Variants in CELF2 observed in about 807,000 individuals in gnomAD.
The protein encoded by CELF2 is CUGBP Elav-like family member 2.
Under a neutral mutation model 62.6 loss-of-function variants are expected in CELF2, and 8 were observed. That is an observed-to-expected ratio of 0.13 (90% CI 0.07 to 0.23). The LOEUF is 0.23. Among genes scored for constraint, CELF2 ranks in the 10% least tolerant of loss-of-function variants. The probability of loss-of-function intolerance (pLI) is 1.00; values close to 1 mark genes in which losing one functional copy is unlikely to be tolerated. For synonymous variants in CELF2, 258 were observed against 250.0 expected (o/e 1.03, Z -0.30); for missense variants, 333 against 671.0 (o/e 0.50, Z 5.56).
At chr10:11,045,167 G>T (rs535708823) in intron 1 of CELF2, among the ~76,000 whole-genome samples, 1 of 152,172 alleles carries the variant, frequency 6.6e-6, no homozygotes. Context: ...TTTTATTTTG[G>T]AGGTAGGATC....
At chr10:10,530,539 G>A in the CELF2 span, among the ~76,000 whole-genome samples, 3 of 152,100 alleles carry the variant, frequency 2.0e-5, no homozygotes, top group East Asian at 5.8e-4. Context: ...CCTCATTTTT[G>A]TAGGCCTCAC....
At chr10:11,144,060 G>A (rs896238527) in intron 1 of CELF2, among the ~76,000 whole-genome samples, 27 of 151,974 alleles carry the variant, frequency 1.8e-4, no homozygotes, top group East Asian at 1.9e-4. Context: ...TTCATTTTTG[G>A]GTTCACTCTC....
At chr10:10,480,666 C>A in the CELF2 span, among the ~76,000 whole-genome samples, 2 of 152,154 alleles carry the variant, frequency 1.3e-5, no homozygotes, top group African/African-American at 2.4e-5. Flanking sequence ...TTGAAGGAAA[C>A]AAACTCACTC....
the CELF2 span, among the ~76,000 whole-genome samples, chr10:10,519,713 G>T: frequency 1.3e-5 from 2 of 152,198 alleles, no homozygotes; most frequent in African/African-American, 4.8e-5. Flanking sequence ...GTCATGGGTT[G>T]AAAGACAAAT....
chr10:10,856,095 A>G (rs1002812999), intron 1 of CELF2, among the ~76,000 whole-genome samples: 6 of 152,188 alleles, frequency 3.9e-5, no homozygotes, highest in Admixed American at 3.3e-4. Flanking sequence ...TAGAAATGCA[A>G]GACTGAGTGA....
the CELF2 span, among the ~76,000 whole-genome samples, chr10:10,527,655 T>C: frequency 1.3e-5 from 2 of 152,214 alleles, no homozygotes; most frequent in Non-Finnish European, 2.9e-5. Flanking sequence ...GAGGATACAC[T>C]GGAGACTCCA....
chr10:10,473,510 T>C, the CELF2 span, among the ~76,000 whole-genome samples: 1 of 152,060 alleles, frequency 6.6e-6, no homozygotes, highest in African/African-American at 2.4e-5. Context: ...TTGTTACATA[T>C]ACCCTTAGCA....
the CELF2 span, among the ~76,000 whole-genome samples, chr10:10,681,439 A>G: frequency 0.27 from 40,567 of 151,892 alleles, 5,609 homozygotes; most frequent in South Asian, 0.47. Context: ...ATTCTAGGAT[A>G]TGCAGGTCAT....
chr10:11,211,736 A>G lies in CELF2; in HGVS notation c.272-5689A>G, dbSNP rs2061818537. ...TTTCAGTACAGTTGAGTGTTTCTTT[A>G]TGATTTTAAACACACTACTGTGTGT... On this transcript the variant is annotated intron_variant, in intron 2 of 12. Coordinates refer to ENST00000633077, the MANE Select transcript of CELF2 (RefSeq NM_001326342.2). This position sits in a 1 kb window ranked among gnomAD's most constrained non-coding sequence, Gnocchi z 4.8. 6.6e-6 allele frequency among the ~76,000 whole-genome samples: 1 copy of G among 151,450 alleles called. No individual in the cohort carries two copies. Among genetic ancestry groups the G allele is most frequent in the Non-Finnish European group, 1.5e-5 (1 of 67,920 alleles).
intron 1 of CELF2, chr10:10,917,909 G>A (rs1184733687): frequency 7.2e-5 from 11 of 152,124 alleles, no homozygotes; most frequent in South Asian, 2.1e-4. Context: ...GAACAACTTC[G>A]TTTTAAAAGA....
intron 1 of CELF2, among the ~76,000 whole-genome samples, chr10:10,804,005 T>C (rs2054943349): frequency 6.6e-6 from 1 of 152,228 alleles, no homozygotes; most frequent in South Asian, 2.1e-4. Flanking sequence ...TAACACCTAG[T>C]TGAGTAATTC....
intron 5 of CELF2, among the ~76,000 whole-genome samples, chr10:11,265,791 A>T (rs2082049309): frequency 6.6e-6 from 1 of 152,262 alleles, no homozygotes; most frequent in Non-Finnish European, 1.5e-5. Context: ...GTCTCCCAGC[A>T]GATATTCACA....
chr10:10,664,539 G>C, the CELF2 span, among the ~76,000 whole-genome samples: 2 of 152,192 alleles, frequency 1.3e-5, no homozygotes, highest in Non-Finnish European at 2.9e-5. Context: ...GAGAAAAGGT[G>C]AAAGTAGAGT....
the CELF2 span, among the ~76,000 whole-genome samples, chr10:10,666,055 C>T: frequency 2.0e-5 from 3 of 152,294 alleles, no homozygotes; most frequent in Admixed American, 6.5e-5. Flanking sequence ...CTTCGATTGG[C>T]TCTGTTGCAG....
At position 10,947,585 on chromosome 10, in the gene CELF2, T is replaced by A. The variant is rs2047834481; in HGVS notation, c.89+27586T>A. ...ACAAGCATATGAAAGAGGAAATCAG[T>A]GTCCTATTGCCTCGGTGTCCTCAGT... On this transcript the variant is annotated intron_variant, in intron 2 of 13. Coordinates refer to the CELF2 transcript ENST00000636488. This position sits in a 1 kb window ranked among gnomAD's most constrained non-coding sequence, Gnocchi z 4.1. 1 of 152,656 alleles carries A rather than the reference T, an allele frequency of 6.6e-6. No individual in the cohort carries two copies. Among genetic ancestry groups the A allele is most frequent in the African/African-American group, 2.4e-5 (1 of 41,454 alleles). 9.5% of individuals were successfully genotyped at this position (152,656 alleles called of 1,614,324 possible). A position where few individuals can be genotyped will look rare whatever the true frequency, so the allele number is the denominator to read the frequency against.
At chr10:10,558,712 C>A in the CELF2 span, among the ~76,000 whole-genome samples, 1 of 152,144 alleles carries the variant, frequency 6.6e-6, no homozygotes, top group Non-Finnish European at 1.5e-5. Flanking sequence ...ACAATTTCAG[C>A]TCCTGTTATT....
the CELF2 span, among the ~76,000 whole-genome samples, chr10:10,625,632 A>C: frequency 6.6e-6 from 1 of 151,816 alleles, no homozygotes; most frequent in Non-Finnish European, 1.5e-5. Context: ...GATCATTTAC[A>C]ACTCAGGCTG....
At chr10:11,173,102 C>T (rs1385125232) in intron 2 of CELF2, among the ~76,000 whole-genome samples, 1 of 152,114 alleles carries the variant, frequency 6.6e-6, no homozygotes, top group African/African-American at 2.4e-5. Flanking sequence ...CCTCACTTGC[C>T]TTTTTATTTG....
intron 9 of CELF2, among the ~76,000 whole-genome samples, chr10:11,308,965 T>A (rs1471611812): frequency 6.6e-6 from 1 of 152,264 alleles, no homozygotes; most frequent in East Asian, 1.9e-4. Context: ...GAATTTCCAA[T>A]TTTTTCTTTT....
Sources: gnomAD v4.1 joint callset for allele counts (sites outside exome capture counted in the v4.1 genomes callset) on GRCh38, gnomAD v4.1.1 for gene constraint, Gnocchi (gnomAD v3.1) non-coding constraint, MANE v1.5 for transcripts, NCBI Gene and HGNC (gene_info 2026-07-23, HGNC 2026-07-21) for gene names.